Variants in ZFPM2 observed in about 807,000 individuals in gnomAD.
The protein encoded by ZFPM2 is zinc finger protein, FOG family member 2, also known as zinc finger protein ZFPM2.
In ZFPM2, 20 loss-of-function variants were observed where a neutral mutation model predicts 98.6. The ratio of observed to expected loss-of-function variants is 0.20; its 90% CI spans 0.14 to 0.29. The LOEUF (loss-of-function observed/expected upper bound fraction) is 0.29. ZFPM2 is among the 10% of genes least tolerant of loss of function. The pLI, the probability that ZFPM2 is intolerant of heterozygous loss-of-function variation, is 1.00. For missense variants in ZFPM2, 1,310 were observed against 1,388.6 expected (o/e 0.94, Z 0.90); for synonymous variants, 518 against 502.7 (o/e 1.03, Z -0.41).
intron 3 of ZFPM2, among the ~76,000 whole-genome samples, chr8:105,490,395 T>A (rs2130429450): frequency 6.6e-6 from 1 of 152,360 alleles, no homozygotes; most frequent in African/African-American, 2.4e-5. Context: ...ATTTTTTAAA[T>A]GCTATATGGA....
intron 3 of ZFPM2, among the ~76,000 whole-genome samples, chr8:105,533,541 C>G (rs1814342673): frequency 6.6e-6 from 1 of 152,004 alleles, no homozygotes; most frequent in African/African-American, 2.4e-5. Flanking sequence ...AACTTAACAC[C>G]AGGTTACCAT....
chr8:105,360,077 C>T (rs1378905547), intron 1 of ZFPM2, among the ~76,000 whole-genome samples: 3 of 152,184 alleles, frequency 2.0e-5, no homozygotes, highest in Non-Finnish European at 4.4e-5. Context: ...TGGTACATGG[C>T]TCTGTTCTTT....
chr8:105,403,381 T>C (rs1811377742), intron 1 of ZFPM2, among the ~76,000 whole-genome samples: 1 of 152,102 alleles, frequency 6.6e-6, no homozygotes, highest in South Asian at 2.1e-4. Context: ...ATGCTGTTTG[T>C]CATAATTTGT....
chr8:105,553,327 G>A (rs1278581145), intron 3 of ZFPM2, among the ~76,000 whole-genome samples: 1 of 152,130 alleles, frequency 6.6e-6, no homozygotes, highest in Non-Finnish European at 1.5e-5. Flanking sequence ...TGTAATATAT[G>A]TCAATATTTG....
chr8:105,433,879 C>A (rs375332478), intron 2 of ZFPM2, among the ~76,000 whole-genome samples: 1 of 152,150 alleles, frequency 6.6e-6, no homozygotes, highest in Non-Finnish European at 1.5e-5. Flanking sequence ...TCCTCATCTG[C>A]GGTCCTCAAA....
intron 1 of ZFPM2, among the ~76,000 whole-genome samples, chr8:105,405,784 G>T (rs949111301): frequency 1.3e-5 from 2 of 151,916 alleles, no homozygotes; most frequent in South Asian, 4.2e-4. Flanking sequence ...TAATCCTTTG[G>T]GTATATACCC....
chr8:105,679,729 C>T (rs896127089), intron 5 of ZFPM2, among the ~76,000 whole-genome samples: 2 of 149,322 alleles, frequency 1.3e-5, no homozygotes, highest in East Asian at 2.0e-4. Context: ...CCTGGAAAGT[C>T]GAGGCTACAG....
At chr8:105,651,138 C>G (rs1230904378) in intron 5 of ZFPM2, among the ~76,000 whole-genome samples, 1 of 152,114 alleles carries the variant, frequency 6.6e-6, no homozygotes, top group Non-Finnish European at 1.5e-5. Flanking sequence ...ATATATATAA[C>G]TGTACATCCA....
At chr8:105,603,538 C>T (rs1267153424) in intron 4 of ZFPM2, among the ~76,000 whole-genome samples, 1 of 151,962 alleles carries the variant, frequency 6.6e-6, no homozygotes, top group Non-Finnish European at 1.5e-5. Flanking sequence ...AGAATGGTCC[C>T]AGTTGTAAAT....
At chr8:105,631,614 G>A (rs1337268625) in intron 4 of ZFPM2, among the ~76,000 whole-genome samples, 1 of 152,018 alleles carries the variant, frequency 6.6e-6, no homozygotes, top group African/African-American at 2.4e-5. Flanking sequence ...CATTGACCCC[G>A]AAACAATTGA....
chr8:105,679,347 T>G (rs1390775123), intron 5 of ZFPM2, among the ~76,000 whole-genome samples: 44 of 152,146 alleles, frequency 2.9e-4, no homozygotes, highest in Admixed American at 2.9e-3. Context: ...TTCATGTCAT[T>G]TCTCATCTAA....
chr8:105,763,829 T>C (rs1812792785), intron 5 of ZFPM2, among the ~76,000 whole-genome samples: 1 of 151,786 alleles, frequency 6.6e-6, no homozygotes, highest in Non-Finnish European at 1.5e-5. Context: ...GGCTTGGTGA[T>C]TTACTAAGGG....
intron 6 of ZFPM2, among the ~76,000 whole-genome samples, chr8:105,796,344 A>G (rs1184319810): frequency 6.6e-6 from 1 of 151,390 alleles, no homozygotes; most frequent in Non-Finnish European, 1.5e-5. Flanking sequence ...TATTTATGTC[A>G]AATAATTCAG....
chr8:105,785,642 G>A (rs1006799507), intron 5 of ZFPM2, among the ~76,000 whole-genome samples: 28 of 152,156 alleles, frequency 1.8e-4, no homozygotes, highest in Admixed American at 1.3e-3. Context: ...CATGGCTCAC[G>A]CCTGCAATCC....
chr8:105,488,539 ATCACAAGGTCAGGAGT>A, intron 3 of ZFPM2, among the ~76,000 whole-genome samples: 1 of 152,268 alleles, frequency 6.6e-6, no homozygotes, highest in African/African-American at 2.4e-5. Flanking sequence ...AGGCAGGTGG[ATCACAAGGTCAGGAGT>A]TCAAGACCAG....
At chr8:105,565,586 G>A (rs1036963042) in intron 4 of ZFPM2, among the ~76,000 whole-genome samples, 3 of 152,078 alleles carry the variant, frequency 2.0e-5, no homozygotes, top group African/African-American at 7.2e-5. Context: ...CATAACACAT[G>A]CTCCAGTCTT....
intron 4 of ZFPM2, among the ~76,000 whole-genome samples, chr8:105,621,880 G>A (rs147321661): frequency 0.015 from 2,206 of 151,994 alleles, 51 homozygotes; most frequent in African/African-American, 0.049. Flanking sequence ...TTAAGTTCTA[G>A]GGTGCATGTG....
intron 4 of ZFPM2, among the ~76,000 whole-genome samples, chr8:105,572,489 CAG>C (rs1054060152): frequency 2.0e-5 from 3 of 151,092 alleles, no homozygotes; most frequent in Non-Finnish European, 4.4e-5. Context: ...TTTTTTGAGA[CAG>C]AGTTTTGCTG....
At chr8:105,323,840 T>G (rs978583600) in intron 1 of ZFPM2, among the ~76,000 whole-genome samples, 7 of 151,916 alleles carry the variant, frequency 4.6e-5, no homozygotes. Context: ...CTTAAGAGTT[T>G]AGGGCTAAAA....
Sources: gnomAD v4.1 joint callset for allele counts (sites outside exome capture counted in the v4.1 genomes callset) on GRCh38, gnomAD v4.1.1 for gene constraint, MANE v1.5 for transcripts, NCBI Gene and HGNC (gene_info 2026-07-23, HGNC 2026-07-21) for gene names.